Variants in SMYD3 observed in about 807,000 individuals in gnomAD.
The protein encoded by SMYD3 is SET and MYND domain containing 3.
Under a neutral mutation model 57.7 loss-of-function variants are expected in SMYD3, and 36 were observed. The ratio of observed to expected loss-of-function variants is 0.62; its 90% CI spans 0.48 to 0.82. The LOEUF (loss-of-function observed/expected upper bound fraction) is 0.82. SMYD3 is among the 40% of genes least tolerant of loss of function. SMYD3 has a pLI of 0.00. For synonymous variants in SMYD3, 211 were observed against 195.0 expected, an observed-to-expected ratio of 1.08 and a Z score of -0.68; for missense variants, 515 against 538.8, an observed-to-expected ratio of 0.96 and a Z score of 0.44.
At chr1:245,939,542 G>C (rs12064645) in intron 5 of SMYD3, among the ~76,000 whole-genome samples, 6,686 of 151,956 alleles carry the variant, frequency 0.044, 481 homozygotes, top group African/African-American at 0.15. Context: ...CAGGGGAATC[G>C]CTTGAACCCA....
intron 1 of SMYD3, among the ~76,000 whole-genome samples, chr1:246,461,608 A>T (rs1346250882): frequency 6.7e-5 from 10 of 149,546 alleles, no homozygotes; most frequent in South Asian, 6.3e-4. Context: ...AAAAATATGT[A>T]AAAAAAAAAT....
intron 1 of SMYD3, among the ~76,000 whole-genome samples, chr1:246,365,635 T>G (rs1174425385): frequency 1.3e-5 from 2 of 151,350 alleles, no homozygotes; most frequent in Non-Finnish European, 2.9e-5. Context: ...AAAAAAAAAG[T>G]AGGACAGTAA....
chr1:246,281,673 T>C (rs1468903802), intron 5 of SMYD3, among the ~76,000 whole-genome samples: 1 of 152,152 alleles, frequency 6.6e-6, no homozygotes, highest in African/African-American at 2.4e-5. Flanking sequence ...GAAAATATTA[T>C]TGAAAGAATG....
chr1:246,353,691 C>A (rs1187486189), intron 2 of SMYD3, among the ~76,000 whole-genome samples: 2 of 152,204 alleles, frequency 1.3e-5, no homozygotes, highest in Non-Finnish European at 2.9e-5. Context: ...CTACTAGTTA[C>A]AGAATATTTG....
chr1:246,462,260 C>T (rs892377068), intron 1 of SMYD3, among the ~76,000 whole-genome samples: 1,563 of 59,040 alleles, frequency 0.026, 22 homozygotes, highest in Non-Finnish European at 0.045. Context: ...TACAGTGCAT[C>T]CTCCCGCGGG....
intron 5 of SMYD3, among the ~76,000 whole-genome samples, chr1:246,212,823 A>G (rs1015981224): frequency 1.3e-5 from 2 of 152,194 alleles, no homozygotes; most frequent in Non-Finnish European, 2.9e-5. Flanking sequence ...ATAAAATTTA[A>G]GTTAATCTAA....
At chr1:245,776,603 A>G (rs997172455) in intron 10 of SMYD3, among the ~76,000 whole-genome samples, 8 of 152,228 alleles carry the variant, frequency 5.3e-5, no homozygotes, top group Non-Finnish European at 1.0e-4. Context: ...GAAATCAATC[A>G]CTACAGATGC....
At chr1:246,402,850 C>T (rs903202257) in intron 1 of SMYD3, among the ~76,000 whole-genome samples, 1 of 152,204 alleles carries the variant, frequency 6.6e-6, no homozygotes, top group African/African-American at 2.4e-5. Context: ...TGCACAATCA[C>T]TTGGGCTACA....
At chr1:245,751,578 A>AAGAGAGAGAGAGAGAAAGAG (rs1335240617) in intron 11 of SMYD3, among the ~76,000 whole-genome samples, 1 of 113,576 alleles carries the variant, frequency 8.8e-6, no homozygotes, top group South Asian at 2.7e-4. Context: ...GAGAAAGAGA[A>AAGAGAGAGAGAGAGAAAGAG]AGAGAGAGAG....
intron 5 of SMYD3, among the ~76,000 whole-genome samples, chr1:246,147,986 C>G (rs1340850557): frequency 6.6e-6 from 1 of 152,148 alleles, no homozygotes; most frequent in African/African-American, 2.4e-5. Flanking sequence ...GATGCCTGCT[C>G]TGATCTCCGA....
At chr1:246,015,897 A>AT (rs551463353) in intron 5 of SMYD3, among the ~76,000 whole-genome samples, 41 of 152,164 alleles carry the variant, frequency 2.7e-4, no homozygotes, top group Non-Finnish European at 4.9e-4. Flanking sequence ...CTGGATTCCA[A>AT]TTTTGGGGGG....
intron 10 of SMYD3, among the ~76,000 whole-genome samples, chr1:245,849,777 C>T (rs145975803): frequency 6.6e-5 from 10 of 152,168 alleles, no homozygotes; most frequent in African/African-American, 1.7e-4. Flanking sequence ...CTCATCCTCC[C>T]TGGTGGCTGG....
intron 1 of SMYD3, among the ~76,000 whole-genome samples, chr1:246,437,020 T>C (rs1333176475): frequency 6.6e-6 from 1 of 151,162 alleles, no homozygotes; most frequent in Non-Finnish European, 1.5e-5. Context: ...CTGCCTCAGC[T>C]TCCCAAGTAG....
chr1:245,936,355 G>T (rs561219598), intron 5 of SMYD3, among the ~76,000 whole-genome samples: 4 of 117,908 alleles, frequency 3.4e-5, no homozygotes, highest in Non-Finnish European at 7.9e-5. Flanking sequence ...CACTGAATAC[G>T]TAATCTTATT....
In SMYD3 at chr1:246,419,991, C is replaced by T. The variant is rs374052507; in HGVS notation, c.165-64897G>A. The stretch of plus-strand genomic sequence containing the variant: ...CAGGGGGATCACGAGGTCAGGAGAT[C>T]GAGACTTCTCCATCCTGGCTAACAC... On this transcript the variant is annotated intron_variant, in intron 1 of 11. Transcript: ENST00000490107. 3.3e-5 allele frequency among the ~76,000 whole-genome samples: 5 copies of T among 152,144 alleles called. No homozygotes were observed. The South Asian group carries it at 6.2e-4, about 19-fold the overall frequency.
chr1:246,093,776 A>C, intron 5 of SMYD3, among the ~76,000 whole-genome samples: 1 of 152,214 alleles, frequency 6.6e-6, no homozygotes, highest in Admixed American at 6.5e-5. Flanking sequence ...TTTTAATTCC[A>C]ATAGAAATTC....
intron 1 of SMYD3, among the ~76,000 whole-genome samples, chr1:246,418,038 T>C (rs909882275): frequency 3.3e-5 from 5 of 152,204 alleles, no homozygotes; most frequent in Non-Finnish European, 7.3e-5. Context: ...GTTTCAGTTC[T>C]CTGAGTCTCA....
At chr1:246,289,141 C>A (rs576427272) in intron 5 of SMYD3, among the ~76,000 whole-genome samples, 1 of 151,848 alleles carries the variant, frequency 6.6e-6, no homozygotes, top group African/African-American at 2.4e-5. Context: ...TCTTAAAAAG[C>A]GATTGTTAAT....
chr1:246,071,527 T>A (rs1295043764), intron 5 of SMYD3, among the ~76,000 whole-genome samples: 5 of 152,200 alleles, frequency 3.3e-5, no homozygotes, highest in African/African-American at 1.2e-4. Context: ...AAGAGCCTAG[T>A]ACCTAGGGGT....
Sources: allele counts gnomAD v4.1 joint callset (sites outside exome capture counted in the v4.1 genomes callset), GRCh38; gene constraint gnomAD v4.1.1; transcripts MANE v1.5; gene names NCBI Gene and HGNC (gene_info 2026-07-23, HGNC 2026-07-21).